Variants in FAM120B observed in about 807,000 individuals in gnomAD.
FAM120B encodes the protein family with sequence similarity 120 member B.
Under a neutral mutation model 96.3 loss-of-function variants are expected in FAM120B, and 83 were observed. That is an observed-to-expected ratio of 0.86 (90% CI 0.72 to 1.03). The LOEUF is 1.03. Among genes scored for constraint, FAM120B ranks in the 50% least tolerant of loss-of-function variants. The probability of loss-of-function intolerance (pLI) is 0.00; values close to 1 mark genes in which losing one functional copy is unlikely to be tolerated. For synonymous variants in FAM120B, 407 were observed against 402.7 expected (o/e 1.01, Z -0.13); for missense variants, 1,027 against 1,121.2 (o/e 0.92, Z 1.20).
intron 6 of FAM120B, among the ~76,000 whole-genome samples, chr6:170,376,729 G>A (rs116229861): frequency 0.014 from 2,193 of 152,320 alleles, 63 homozygotes; most frequent in African/African-American, 0.051. Context: ...CATCTTTTGA[G>A]GCGTTCGAAT....
Position 170,323,260 on chromosome 6 carries a change from G to C in FAM120B, c.1915+1G>C. 3 of 1,611,466 alleles carry C rather than the reference G, an allele frequency of 1.9e-6. No individual in the cohort carries two copies. Among genetic ancestry groups the C allele is most frequent in the Non-Finnish European group, 2.5e-6 (3 of 1,178,856 alleles). ...TCACTCTTACTGGAGGACTGTCAAGGTGAGAATTGGTTGGTCCCTCTTAGT... is the reference window on the plus strand; with the variant it reads ...TCACTCTTACTGGAGGACTGTCAAGCTGAGAATTGGTTGGTCCCTCTTAGT... On this transcript the variant is annotated splice_donor_variant, in intron 3 of 10. Transcript: ENST00000476287. LOFTEE classifies it high-confidence loss of function.
At chr6:170,303,648 T>C (rs1206814729), upstream of FAM120B, among the ~76,000 whole-genome samples, 2 of 152,192 alleles carry the variant, frequency 1.3e-5, no homozygotes, top group African/African-American at 4.8e-5. Flanking sequence ...GATTTAACTC[T>C]CCCACCCTCA....
chr6:170,380,982 C>CA (rs1411015456), intron 6 of FAM120B, among the ~76,000 whole-genome samples: 1 of 152,194 alleles, frequency 6.6e-6, no homozygotes, highest in Non-Finnish European at 1.5e-5. Context: ...AATTTGGACT[C>CA]ACTTTCTGGT....
chr6:170,345,332 G>A (rs551134300), intron 4 of FAM120B, among the ~76,000 whole-genome samples: 1 of 152,166 alleles, frequency 6.6e-6, no homozygotes, highest in Non-Finnish European at 1.5e-5. Flanking sequence ...GGCTGGGCAC[G>A]GTGACTCATG....
intron 9 of FAM120B, among the ~76,000 whole-genome samples, chr6:170,400,664 A>C (rs1477443849): frequency 6.6e-6 from 1 of 152,138 alleles, no homozygotes; most frequent in Non-Finnish European, 1.5e-5. Flanking sequence ...TTCCAAAACC[A>C]AGTTTTTCCT....
At chr6:170,385,204 T>TTAACAGAAGTG (rs1790120553) in intron 6 of FAM120B, among the ~76,000 whole-genome samples, 1 of 152,194 alleles carries the variant, frequency 6.6e-6, no homozygotes, top group East Asian at 1.9e-4. Flanking sequence ...TTATTTGAAA[T>TTAACAGAAGTG]TAAAATAGTA....
chr6:170,404,692 A>G, intron 10 of FAM120B, 71 bp from the exon 11 acceptor site: 1 of 996,600 alleles, frequency 1.0e-6, no homozygotes, highest in East Asian at 2.5e-5. Context: ...AAGTAAACAG[A>G]ACTCAGATAT....
intron 4 of FAM120B, among the ~76,000 whole-genome samples, chr6:170,337,158 T>C (rs1786490712): frequency 6.6e-6 from 1 of 152,192 alleles, no homozygotes; most frequent in African/African-American, 2.4e-5. Flanking sequence ...CTGTATGATA[T>C]TGGCTTTGGG....
At position 170,395,546 on chromosome 6, in the gene FAM120B, A is replaced by G. The variant is rs766350212; in HGVS notation, c.2659A>G (p.Ser887Gly). 1.9e-6 allele frequency: 3 copies of G among 1,599,134 alleles called. No homozygotes were observed. The highest frequency in any genetic ancestry group is 2.3e-5 in the South Asian group (2 of 88,002). The change falls in exon 9 of 11, where the codon AGT becomes GGT. Residue 887 changes from serine to glycine, a missense_variant. Physicochemically the swap from Ser to Gly is moderately conservative, Grantham distance 56 (BLOSUM62 0). Coordinates refer to ENST00000476287, the MANE Select transcript of FAM120B (RefSeq NM_032448.3). ...HRTGSGYSRS[S>G]QGQPWRDQGP... is the part of the protein sequence containing the mutation. ...GACGGGCTCTGGGTATAGCCGTTCC[A>G]GTCAGGGACAGCCGTGGAGAGACCA...
intron 4 of FAM120B, among the ~76,000 whole-genome samples, chr6:170,346,061 A>G (rs890364473): frequency 1.3e-5 from 2 of 152,216 alleles, no homozygotes; most frequent in Admixed American, 6.5e-5. Context: ...AACATAGAAA[A>G]GGTAGAGTAA....
chr6:170,398,053 G>T (rs1157969187), intron 9 of FAM120B, among the ~76,000 whole-genome samples: 1 of 152,264 alleles, frequency 6.6e-6, no homozygotes, highest in South Asian at 2.1e-4. Context: ...AGAGTCCACA[G>T]TCCAGATGGG....
intron 6 of FAM120B, among the ~76,000 whole-genome samples, chr6:170,377,898 C>T (rs1004172168): frequency 1.8e-5 from 2 of 109,280 alleles, no homozygotes; most frequent in African/African-American, 3.9e-5. Context: ...TGTGCACACG[C>T]GTCCCTAAAC....
chr6:170,367,282 G>A lies in FAM120B; in HGVS notation c.2283+8964G>A, dbSNP rs186120048. 1.1e-4 allele frequency among the ~76,000 whole-genome samples: 17 copies of A among 152,322 alleles called. No homozygotes were observed. The East Asian group carries it at 2.9e-3, about 26-fold the overall frequency. Reference sequence around the variant, plus strand: ...GACTATCGCCCATAGGCCACATTCCGCCACCAGCATGTAGTGAAGCCTGTG... The same window carrying A: ...GACTATCGCCCATAGGCCACATTCCACCACCAGCATGTAGTGAAGCCTGTG... On this transcript the variant is annotated intron_variant, in intron 6 of 10. Transcript: ENST00000476287.
chr6:170,369,005 A>C (rs1788998188), intron 6 of FAM120B, among the ~76,000 whole-genome samples: 1 of 142,686 alleles, frequency 7.0e-6, no homozygotes, highest in East Asian at 2.0e-4. Flanking sequence ...TTGGGGATTT[A>C]GCCTTCAGCA....
intron 1 of FAM120B, among the ~76,000 whole-genome samples, chr6:170,308,021 A>G (rs1289346429): frequency 6.6e-6 from 1 of 152,156 alleles, no homozygotes; most frequent in Non-Finnish European, 1.5e-5. Context: ...CTCCGTGTCT[A>G]GTGTCATGCT....
intron 9 of FAM120B, among the ~76,000 whole-genome samples, chr6:170,397,457 G>A (rs985243294): frequency 1.3e-5 from 2 of 152,142 alleles, no homozygotes; most frequent in Admixed American, 6.5e-5. Context: ...GAGCTGTCAC[G>A]AGGTCAGGTG....
At chr6:170,366,884 A>G (rs1788838235) in intron 6 of FAM120B, among the ~76,000 whole-genome samples, 2 of 152,118 alleles carry the variant, frequency 1.3e-5, no homozygotes, top group Non-Finnish European at 2.9e-5. Context: ...GGATAAGCTC[A>G]TGTTATTTTT....
At position 170,313,618 on chromosome 6, in the gene FAM120B, C is replaced by T. The variant is rs951237037; in HGVS notation, c.-21-3752C>T. On this transcript the variant is annotated intron_variant, in intron 1 of 10. Transcript: ENST00000476287. ...TATGCTAGTTTGTAGATTCGAGATG[C>T]GAATTATTTCTGTGCAAAGATTATG... is the stretch of plus-strand genomic sequence containing the variant. 3.9e-5 allele frequency among the ~76,000 whole-genome samples: 6 copies of T among 152,168 alleles called. 1 individual carries two copies. Among genetic ancestry groups the T allele is most frequent in the Admixed American group, 2.0e-4 (3 of 15,274 alleles).
chr6:170,296,055 A>C (rs537747543), intron 1 of FAM120B, among the ~76,000 whole-genome samples: 21 of 152,056 alleles, frequency 1.4e-4, no homozygotes, highest in African/African-American at 5.1e-4. Context: ...CCCCATCTCC[A>C]TGACAAAGCG....
Sources: gnomAD v4.1 joint callset for allele counts (sites outside exome capture counted in the v4.1 genomes callset) on GRCh38, gnomAD v4.1.1 for gene constraint, MANE v1.5 for transcripts, NCBI Gene and HGNC (gene_info 2026-07-23, HGNC 2026-07-21) for gene names.